The following PTPRT variants were observed in gnomAD, a reference collection of about 807,000 sequenced individuals.
The protein encoded by PTPRT is receptor-type tyrosine-protein phosphatase T.
Under a neutral mutation model 176.8 loss-of-function variants are expected in PTPRT, and 56 were observed. The observed-to-expected ratio is 0.32, with a 90% CI of 0.26 to 0.40. The LOEUF (loss-of-function observed/expected upper bound fraction) is 0.40. Ranked by LOEUF, PTPRT falls within the 10% of genes least tolerant of loss-of-function variation. The probability of loss-of-function intolerance (pLI) is 1.00; values close to 1 mark genes in which losing one functional copy is unlikely to be tolerated. For missense variants in PTPRT, 1,540 were observed against 1,908.2 expected (o/e 0.81, Z 3.60); for synonymous variants, 783 against 739.0 (o/e 1.06, Z -0.96).
intron 1 of PTPRT, among the ~76,000 whole-genome samples, chr20:42,987,337 C>T (rs1048235645): frequency 2.6e-5 from 4 of 152,180 alleles, no homozygotes; most frequent in Non-Finnish European, 5.9e-5. Flanking sequence ...GTTCCTCAGT[C>T]GCACGAGCCA....
intron 22 of PTPRT, among the ~76,000 whole-genome samples, chr20:42,113,449 A>G (rs913727355): frequency 1.3e-5 from 2 of 152,100 alleles, no homozygotes; most frequent in Non-Finnish European, 2.9e-5. Flanking sequence ...CTGCCTTTCA[A>G]TTGTCCCCTT....
intron 7 of PTPRT, among the ~76,000 whole-genome samples, chr20:42,498,153 T>C (rs2071687703): frequency 6.6e-6 from 1 of 152,154 alleles, no homozygotes; most frequent in Non-Finnish European, 1.5e-5. Flanking sequence ...TTGTGGTAAG[T>C]GATGTACTGG....
At chr20:42,882,458 T>C (rs1352305459) in intron 2 of PTPRT, among the ~76,000 whole-genome samples, 2 of 152,198 alleles carry the variant, frequency 1.3e-5, no homozygotes, top group African/African-American at 4.8e-5. Flanking sequence ...GAGAGTAGCA[T>C]GAGTAAAAAG....
chr20:42,272,879 T>C (rs1227924244), intron 13 of PTPRT, among the ~76,000 whole-genome samples: 1 of 152,228 alleles, frequency 6.6e-6, no homozygotes, highest in African/African-American at 2.4e-5. Context: ...TTGCCTTCAG[T>C]GATTTGCATA....
intron 6 of PTPRT, among the ~76,000 whole-genome samples, chr20:42,724,130 A>C (rs143291862): frequency 1.1e-4 from 17 of 152,354 alleles, no homozygotes; most frequent in Admixed American, 3.9e-4. Flanking sequence ...CTGGAGAGAC[A>C]ATGGTAGGCA....
intron 1 of PTPRT, among the ~76,000 whole-genome samples, chr20:42,902,790 A>C (rs1201253288): frequency 6.6e-6 from 1 of 152,190 alleles, no homozygotes; most frequent in African/African-American, 2.4e-5. Flanking sequence ...CTTGATCCCA[A>C]AGCACAAACC....
intron 27 of PTPRT, among the ~76,000 whole-genome samples, chr20:42,092,092 T>C (rs1447329361): frequency 1.3e-5 from 2 of 151,832 alleles, no homozygotes; most frequent in Non-Finnish European, 2.9e-5. Context: ...GTGGAAGAGC[T>C]GAGAAGGGAG....
At chr20:42,616,877 T>C (rs1239343046) in intron 7 of PTPRT, among the ~76,000 whole-genome samples, 1 of 135,606 alleles carries the variant, frequency 7.4e-6, no homozygotes, top group Non-Finnish European at 1.5e-5. Flanking sequence ...AATCATGTCA[T>C]CTGCAAACAG....
At chr20:42,867,937 C>T (rs375736305) in intron 2 of PTPRT, among the ~76,000 whole-genome samples, 1 of 152,232 alleles carries the variant, frequency 6.6e-6, no homozygotes, top group South Asian at 2.1e-4. Context: ...CCGCCTTGGC[C>T]TCCCAAAGTG....
At chr20:42,165,942 A>AGG (rs1414092141) in intron 16 of PTPRT, among the ~76,000 whole-genome samples, 1 of 152,244 alleles carries the variant, frequency 6.6e-6, no homozygotes, top group Non-Finnish European at 1.5e-5. Context: ...AATTTCAATA[A>AGG]TACATTTTAC....
chr20:42,183,615 C>T (rs191870907), intron 16 of PTPRT, among the ~76,000 whole-genome samples: 84 of 152,230 alleles, frequency 5.5e-4, no homozygotes, highest in African/African-American at 1.7e-3. Flanking sequence ...TAGACTTTCC[C>T]ACCTCTATGC....
intron 7 of PTPRT, among the ~76,000 whole-genome samples, chr20:42,641,089 G>A (rs1387585239): frequency 1.3e-5 from 2 of 151,948 alleles, no homozygotes; most frequent in African/African-American, 4.8e-5. Context: ...ATAGTGTTGG[G>A]AATTTAGGTT....
intron 1 of PTPRT, among the ~76,000 whole-genome samples, chr20:43,083,644 C>CCACCG (rs2011527595): frequency 6.6e-6 from 1 of 151,900 alleles, no homozygotes; most frequent in South Asian, 2.1e-4. Context: ...CAGGCATGAG[C>CCACCG]CACCGCACCC....
intron 7 of PTPRT, among the ~76,000 whole-genome samples, chr20:42,522,092 C>T (rs2072187554): frequency 6.6e-6 from 1 of 150,616 alleles, no homozygotes; most frequent in African/African-American, 2.5e-5. Context: ...CTTTGGGTTT[C>T]TTCTTTGGGA....
intron 1 of PTPRT, among the ~76,000 whole-genome samples, chr20:43,157,049 G>A (rs2014542399): frequency 6.6e-6 from 1 of 151,908 alleles, no homozygotes; most frequent in African/African-American, 2.4e-5. Flanking sequence ...TTGGGACACA[G>A]CAATTAAAAA....
intron 1 of PTPRT, among the ~76,000 whole-genome samples, chr20:43,032,519 AG>A (rs11315802): frequency 0.41 from 60,529 of 148,408 alleles, 15,617 homozygotes; most frequent in African/African-American, 0.73. Context: ...AATTAATCTG[AG>A]GGGGGAAATA....
chr20:42,378,473 G>T (rs2058670317), intron 9 of PTPRT, among the ~76,000 whole-genome samples: 1 of 151,986 alleles, frequency 6.6e-6, no homozygotes, highest in Non-Finnish European at 1.5e-5. Context: ...ATCTTTTTTG[G>T]TTAATTGTTC....
Position 42,610,056 on chromosome 20 carries a change from T to A in PTPRT, c.1153+67810A>T, listed in dbSNP as rs557528350. On this transcript the variant is annotated intron_variant, in intron 7 of 30. Coordinates refer to ENST00000373187, the MANE Select transcript of PTPRT (RefSeq NM_007050.6). ...CAGGCTTCAATTACTGCAGGAAGAC[T>A]CAAGTTAGACAATGGGAAGAACTTT... Among the ~76,000 whole-genome samples the A allele has an allele frequency of 3.9e-5, 6 of 152,276 alleles. No individual in the cohort carries two copies. In the East Asian group the frequency reaches 1.2e-3, roughly 30 times the overall value.
chr20:42,076,344 A>G lies in PTPRT; in HGVS notation c.*4535T>C, dbSNP rs1270982341. 5.1e-6 allele frequency: 1 copy of G among 197,620 alleles called. No individual in the cohort carries two copies. Among genetic ancestry groups the G allele is most frequent in the Non-Finnish European group, 1.0e-5 (1 of 95,554 alleles). 12.2% of individuals were successfully genotyped at this position (197,620 alleles called of 1,614,324 possible). ...ATGTGACTCCACTTGGACAACAGGC[A>G]CCACTTTCCAGCCTAGCATTCAGGA... is the stretch of plus-strand genomic sequence containing the variant. On this transcript the variant is annotated 3_prime_UTR_variant, in exon 31 of 31. Transcript: ENST00000373187.
Sources: allele counts gnomAD v4.1 joint callset (sites outside exome capture counted in the v4.1 genomes callset), GRCh38; gene constraint gnomAD v4.1.1; transcripts MANE v1.5; gene names NCBI Gene and HGNC (gene_info 2026-07-23, HGNC 2026-07-21).